The following PCDHA4 variants were observed in gnomAD, a reference collection of about 807,000 sequenced individuals.
PCDHA4 encodes the protein protocadherin alpha-4.
PCDHA4 carries 49 observed loss-of-function variants against 61.4 expected under a neutral mutation model. That is an observed-to-expected ratio of 0.80 (90% CI 0.63 to 1.01). PCDHA4 has a LOEUF of 1.01. Among genes scored for constraint, PCDHA4 ranks in the 50% least tolerant of loss-of-function variants. The pLI, the probability that PCDHA4 is intolerant of heterozygous loss-of-function variation, is 0.00. For synonymous variants in PCDHA4, 590 were observed against 550.3 expected (o/e 1.07, Z -1.01); for missense variants, 1,254 against 1,235.8 (o/e 1.01, Z -0.22).
chr5:140,968,276 G>A, intron 1 of PCDHA4: 1 of 1,614,070 alleles, frequency 6.2e-7, no homozygotes, highest in South Asian at 1.1e-5. Context: ...GAATGCAGAG[G>A]TGACCTACTC....
intron 1 of PCDHA4, among the ~76,000 whole-genome samples, chr5:140,907,086 A>T (rs1042352534): frequency 6.6e-6 from 1 of 152,136 alleles, no homozygotes; most frequent in East Asian, 1.9e-4. Context: ...GGTGATGGTA[A>T]GTGGTGCCAC....
At chr5:140,901,599 A>G (rs1196199794) in intron 1 of PCDHA4, among the ~76,000 whole-genome samples, 2 of 152,132 alleles carry the variant, frequency 1.3e-5, no homozygotes, top group South Asian at 2.1e-4. Flanking sequence ...TTTGGTTACT[A>G]TATCTCTATG....
Position 140,850,693 on chromosome 5 carries a change from C to G in PCDHA4, c.2385+41121C>G, listed in dbSNP as rs138234390. On this transcript the variant is annotated intron_variant, in intron 1 of 3. Coordinates refer to ENST00000530339, the MANE Select transcript of PCDHA4 (RefSeq NM_018907.4). ...GCGATGCCCACCGAGGGCGAGTGCG[C>G]GCCTGGCAAGCCGACGCTGGTGTGT... 2.8e-3 allele frequency: 4,547 copies of G among 1,598,322 alleles called. 355 individuals carry two copies. In the South Asian group the frequency reaches 0.039, roughly 14 times the overall value.
chr5:140,868,468 TA>T (rs2050485574), intron 1 of PCDHA4: 1 of 152,446 alleles, frequency 6.6e-6, no homozygotes, highest in Non-Finnish European at 1.5e-5. Flanking sequence ...GCTGCTTTTA[TA>T]AAACTTCAAT....
At chr5:140,814,345 G>A (rs2126654527) in intron 1 of PCDHA4, 1 of 151,338 alleles carries the variant, frequency 6.6e-6, no homozygotes, top group Non-Finnish European at 1.5e-5. Flanking sequence ...AGGTCTTCTG[G>A]GGCAGTTACA....
chr5:140,914,073 C>G (rs1314205032), intron 1 of PCDHA4, among the ~76,000 whole-genome samples: 1 of 152,122 alleles, frequency 6.6e-6, no homozygotes, highest in Non-Finnish European at 1.5e-5. Flanking sequence ...TGCTCCATAA[C>G]TATCTATTAG....
intron 1 of PCDHA4, chr5:140,862,954 T>C (rs781926222): frequency 1.5e-5 from 8 of 542,620 alleles, no homozygotes; most frequent in Non-Finnish European, 2.2e-5. Flanking sequence ...TGGTGCGGTA[T>C]TCAGTGGATG....
intron 1 of PCDHA4, among the ~76,000 whole-genome samples, chr5:140,826,100 T>A (rs1768814944): frequency 6.6e-6 from 1 of 152,354 alleles, no homozygotes; most frequent in South Asian, 2.1e-4. Context: ...CCTTCTATCA[T>A]GCTATTTATA....
At chr5:140,833,988 T>C (rs1772754266) in intron 1 of PCDHA4, among the ~76,000 whole-genome samples, 1 of 152,186 alleles carries the variant, frequency 6.6e-6, no homozygotes, top group African/African-American at 2.4e-5. Context: ...TTCTAAGGCA[T>C]GAGGAAGCTA....
intron 1 of PCDHA4, chr5:140,835,483 C>G: frequency 3.1e-6 from 5 of 1,613,956 alleles, no homozygotes; most frequent in Non-Finnish European, 4.2e-6. Context: ...CAACCAGGTA[C>G]CGTCATCACA....
intron 1 of PCDHA4, chr5:140,857,699 C>G: frequency 6.3e-7 from 1 of 1,597,158 alleles, no homozygotes; most frequent in South Asian, 1.1e-5. Context: ...CTTGACGCTG[C>G]AGGTGTTCGT....
intron 1 of PCDHA4, among the ~76,000 whole-genome samples, chr5:140,918,454 C>A (rs1168986520): frequency 6.6e-6 from 1 of 152,158 alleles, no homozygotes; most frequent in Non-Finnish European, 1.5e-5. Context: ...CAGTGGGCAT[C>A]CTTGTCTTAT....
At chr5:140,991,682 C>G (rs1234700322) in intron 3 of PCDHA4, among the ~76,000 whole-genome samples, 2 of 152,170 alleles carry the variant, frequency 1.3e-5, no homozygotes, top group Non-Finnish European at 2.9e-5. Context: ...TCTGAGTCCT[C>G]TCTAGTAGAG....
chr5:140,862,633 G>C, intron 1 of PCDHA4: 5 of 537,306 alleles, frequency 9.3e-6, no homozygotes, highest in Non-Finnish European at 1.9e-5. Context: ...GGGCTGCCAC[G>C]ACTTCACAGT....
chr5:140,968,370 A>T (rs1169551068), intron 1 of PCDHA4: 1 of 1,613,428 alleles, frequency 6.2e-7, no homozygotes, highest in African/African-American at 1.3e-5. Flanking sequence ...TATGCTGTCA[A>T]CTCCTTTGAC....
At chr5:140,959,412 A>G (rs2153722176) in intron 1 of PCDHA4, among the ~76,000 whole-genome samples, 1 of 152,256 alleles carries the variant, frequency 6.6e-6, no homozygotes, top group African/African-American at 2.4e-5. Context: ...GTGTTGATTG[A>G]TCTGAGAATT....
intron 2 of PCDHA4, among the ~76,000 whole-genome samples, chr5:140,981,116 A>G (rs533489885): frequency 6.6e-6 from 1 of 152,344 alleles, no homozygotes; most frequent in African/African-American, 2.4e-5. Flanking sequence ...TCTACTGGAT[A>G]TGTTGTTTGA....
In PCDHA4 at chr5:140,809,417, G is replaced by A; in HGVS notation, c.2230G>A (p.Ala744Thr). Residue 744 changes from alanine (A) to threonine (T), a missense_variant, in exon 1 of 4, where the codon GCG becomes ACG. Ala to Thr is a moderately conservative substitution (Grantham distance 58, BLOSUM62 0). Coordinates refer to ENST00000530339, the MANE Select transcript of PCDHA4 (RefSeq NM_018907.4). ...CAAGCCCACGCTGGTGTGCTCCAGT[G>A]CGGTGGGGAGCTGGTCATACTCGCA... ...PGKPTLVCSS[A>T]VGSWSYSQQR... 6.2e-7 allele frequency: 1 copy of A among 1,614,242 alleles called. No homozygotes were observed. The highest frequency in any genetic ancestry group is 8.5e-7 in the Non-Finnish European group (1 of 1,180,046).
chr5:140,829,237 C>T (rs2150164449), intron 1 of PCDHA4: 70 of 1,614,146 alleles, frequency 4.3e-5, no homozygotes, highest in Non-Finnish European at 4.8e-5. Context: ...CAGGTGCCAA[C>T]GGGCAGGTGA....
Sources: allele counts gnomAD v4.1 joint callset (sites outside exome capture counted in the v4.1 genomes callset), GRCh38; gene constraint gnomAD v4.1.1; transcripts MANE v1.5; gene names NCBI Gene and HGNC (gene_info 2026-07-23, HGNC 2026-07-21).